The following CIZ1 variants were observed in gnomAD, a reference collection of about 807,000 sequenced individuals.
The protein encoded by CIZ1 is cip1-interacting zinc finger protein.
A neutral mutation model predicts 118.6 loss-of-function variants in CIZ1; 58 were observed. The ratio of observed to expected loss-of-function variants is 0.49; its 90% CI spans 0.40 to 0.61. The LOEUF is 0.61. Among genes scored for constraint, CIZ1 ranks in the 20% least tolerant of loss-of-function variants. The pLI, the probability that CIZ1 is intolerant of heterozygous loss-of-function variation, is 0.00. For synonymous variants in CIZ1, 448 were observed against 443.4 expected (o/e 1.01, Z -0.13); for missense variants, 921 against 1,115.9 (o/e 0.83, Z 2.49).
chr9:128,194,669 T>G (rs1178788595), upstream of CIZ1, among the ~76,000 whole-genome samples: 1 of 151,708 alleles, frequency 6.6e-6, no homozygotes, highest in Non-Finnish European at 1.5e-5. Flanking sequence ...ATACAAAAAA[T>G]TAGCTGGGCC....
At position 128,185,527 on chromosome 9, in the gene CIZ1, C is replaced by T; in HGVS notation, c.588+20G>A. ...CCCAGGGTCCCCTCCCGCCCACTCCCATCCCCACCTACCACTCACCTTTCG... is the reference window on the plus strand; with the variant it reads ...CCCAGGGTCCCCTCCCGCCCACTCCTATCCCCACCTACCACTCACCTTTCG... On this transcript the variant is annotated intron_variant, in intron 5 of 16. Coordinates refer to ENST00000372938, the MANE Select transcript of CIZ1 (RefSeq NM_001131016.2). The T allele has an allele frequency of 6.7e-7, 1 of 1,483,202 alleles. No homozygotes were observed. Among genetic ancestry groups the T allele is most frequent in the Non-Finnish European group, 9.1e-7 (1 of 1,104,616 alleles). The allele number at this position is 1,483,202 out of a possible 1,614,324, so 91.9% of individuals were successfully genotyped here.
At chr9:128,172,112 C>T (rs1000018120) in intron 11 of CIZ1, among the ~76,000 whole-genome samples, 5 of 124,598 alleles carry the variant, frequency 4.0e-5, no homozygotes, top group South Asian at 2.6e-4. Context: ...CACACCACTA[C>T]GCTCCAGCCT....
Position 128,166,752 on chromosome 9 carries a change from G to A in CIZ1, c.2487+7C>T, listed in dbSNP as rs370935533. On this transcript the variant is annotated splice_region_variant and intron_variant, in intron 16 of 16. Transcript: ENST00000372938. This position sits in a 1 kb window ranked among gnomAD's most constrained non-coding sequence, Gnocchi z 4.4. ...CAGGGGAGGACAGGGCAGGATGTCC[G>A]GCTCACCTGCAGGTTCTCAAAGTGG... 1.7e-5 allele frequency: 28 copies of A among 1,614,050 alleles called. 1 individual carries two copies. Among genetic ancestry groups the A allele is most frequent in the African/African-American group, 1.5e-4 (11 of 74,930 alleles).
upstream of CIZ1, chr9:128,191,811 C>T (rs537095300): frequency 2.4e-4 from 349 of 1,451,374 alleles, 1 homozygote; most frequent in African/African-American, 4.6e-3. The surrounding 1 kb of genome is among the most constrained non-coding windows in gnomAD (Gnocchi z 5.5). Flanking sequence ...GGTCAGCCAT[C>T]CCGCGGGGCA....
chr9:128,196,961 A>C (rs1833391995), intron 1 of CIZ1: 1 of 152,232 alleles, frequency 6.6e-6, no homozygotes, highest in African/African-American at 2.4e-5. Context: ...CTCTTCACCT[A>C]GTACTTGCAC....
upstream of CIZ1, among the ~76,000 whole-genome samples, chr9:128,194,645 C>T (rs941007811): frequency 6.6e-5 from 10 of 151,904 alleles, no homozygotes; most frequent in South Asian, 2.1e-4. Flanking sequence ...AGTGAAACCC[C>T]GTCTCTACTA....
At chr9:128,177,269 C>T (rs140529171) in intron 10 of CIZ1, among the ~76,000 whole-genome samples, 40 of 152,166 alleles carry the variant, frequency 2.6e-4, no homozygotes, top group African/African-American at 8.4e-4. Context: ...TACTCAGAGC[C>T]GATATGAACC....
At position 128,191,557 on chromosome 9, in the gene CIZ1, C is replaced by T. The variant is rs1833158602; in HGVS notation, c.-131G>A. 9.3e-7 allele frequency: 1 copy of T among 1,077,954 alleles called. No individual in the cohort carries two copies. Among genetic ancestry groups the T allele is most frequent in the Non-Finnish European group, 1.1e-6 (1 of 889,648 alleles). The allele number at this position is 1,077,954 out of a possible 1,614,324, so 66.8% of individuals were successfully genotyped here. Reference sequence around the variant, plus strand: ...CGGCCTCCCCGCTGCTACTCCGGGGCCTGTGGGCTCGTAAGGCCCAAATGC... The same window carrying T: ...CGGCCTCCCCGCTGCTACTCCGGGGTCTGTGGGCTCGTAAGGCCCAAATGC... On this transcript the variant is annotated 5_prime_UTR_variant, in exon 1 of 17. Coordinates refer to ENST00000372938, the MANE Select transcript of CIZ1 (RefSeq NM_001131016.2). The surrounding 1 kb of genome is among the most constrained non-coding windows in gnomAD (Gnocchi z 5.5).
At chr9:128,192,313 T>A (rs1472117543), upstream of CIZ1, among the ~76,000 whole-genome samples, 1 of 149,806 alleles carries the variant, frequency 6.7e-6, no homozygotes, top group Admixed American at 6.7e-5. Flanking sequence ...CAGGCTGCAG[T>A]GAGCTGAGAT....
rs1381766930 is a variant in CIZ1, at chr9:128,178,690, G to C, written c.1498+19C>G. ...AGCTGTCCCATCACCAGACCAGCTGGGAGCCAGTGCTCACTTACCTCCACC... is the reference window on the plus strand; with the variant it reads ...AGCTGTCCCATCACCAGACCAGCTGCGAGCCAGTGCTCACTTACCTCCACC... On this transcript the variant is annotated intron_variant, in intron 8 of 16. Coordinates refer to ENST00000372938, the MANE Select transcript of CIZ1 (RefSeq NM_001131016.2). The C allele has an allele frequency of 1.2e-6, 2 of 1,605,658 alleles. No homozygotes were observed. The highest frequency in any genetic ancestry group is 2.2e-5 in the East Asian group (1 of 44,850).
chr9:128,181,661 G>C (rs1280941752), intron 5 of CIZ1, among the ~76,000 whole-genome samples: 1 of 152,126 alleles, frequency 6.6e-6, no homozygotes, highest in Non-Finnish European at 1.5e-5. Flanking sequence ...GTCTAGCGGT[G>C]ACGCCAGCGT....
intron 11 of CIZ1, among the ~76,000 whole-genome samples, chr9:128,175,023 T>C (rs1237254780): frequency 6.6e-6 from 1 of 152,150 alleles, no homozygotes; most frequent in Non-Finnish European, 1.5e-5. Context: ...GAGATAACAT[T>C]GGGAGAGGGT....
Position 128,166,614 on chromosome 9 carries a change from C to T in CIZ1, c.2487+145G>A. Reference sequence around the variant, plus strand: ...CAATAAGAGCCCAACCCCACCCCAGCTCTAATTCTCTCCCTGTTGGTGCAG... The same window carrying T: ...CAATAAGAGCCCAACCCCACCCCAGTTCTAATTCTCTCCCTGTTGGTGCAG... On this transcript the variant is annotated intron_variant, in intron 16 of 16. Coordinates refer to ENST00000372938, the MANE Select transcript of CIZ1 (RefSeq NM_001131016.2). The surrounding 1 kb of genome is among the most constrained non-coding windows in gnomAD (Gnocchi z 4.4). 1 of 1,155,522 alleles carries T rather than the reference C, an allele frequency of 8.7e-7. No individual in the cohort carries two copies. Among genetic ancestry groups the T allele is most frequent in the South Asian group, 1.4e-5 (1 of 70,462 alleles). 71.6% of individuals were successfully genotyped at this position (1,155,522 alleles called of 1,614,324 possible).
chr9:128,180,694 G>A (rs1338663373), intron 6 of CIZ1, 27 bp downstream of exon 6: 6 of 1,551,152 alleles, frequency 3.9e-6, no homozygotes, highest in Admixed American at 3.6e-5. Flanking sequence ...ATGTCCCTCT[G>A]AAGGGCCAGC....
At chr9:128,176,552 A>C in intron 10 of CIZ1, 77 bp from the exon 11 acceptor site, 1 of 1,466,388 alleles carries the variant, frequency 6.8e-7, no homozygotes. Flanking sequence ...CTGGGGAGGC[A>C]GACCCCAGCC....
At chr9:128,195,949 G>A (rs569301358), upstream of CIZ1, among the ~76,000 whole-genome samples, 16 of 152,076 alleles carry the variant, frequency 1.1e-4, no homozygotes, top group South Asian at 6.2e-4. Context: ...CACTGCACCC[G>A]CTGCCTCCTG....
At position 128,169,836 on chromosome 9, in the gene CIZ1, T is replaced by C. The variant is rs946726807; in HGVS notation, c.2031+184A>G. On this transcript the variant is annotated intron_variant, in intron 12 of 16. Coordinates refer to ENST00000372938, the MANE Select transcript of CIZ1 (RefSeq NM_001131016.2). ...AGGTGAGATGGGGCCTGGCCTACAC[T>C]GGACAGATGGGGAACCTGAAGCCCG... 12 of 1,052,912 alleles carry C rather than the reference T, an allele frequency of 1.1e-5. No homozygotes were observed. In the Admixed American group the frequency reaches 1.5e-4, roughly 13 times the overall value. The allele number at this position is 1,052,912 out of a possible 1,614,324, so 65.2% of individuals were successfully genotyped here.
rs1833607971 is a variant in CIZ1, at chr9:128,203,434, G to GGCAGCCGGATC, written c.-6+741_-6+751dup. On this transcript the variant is annotated intron_variant, in intron 1 of 17. Coordinates refer to the CIZ1 transcript ENST00000372948. This position sits in a 1 kb window ranked among gnomAD's most constrained non-coding sequence, Gnocchi z 5.3. Reference sequence around the variant, plus strand: ...CGGAGTCGGAGCCGGGAGCGCTAGCGGCAGCCGGATCGCAGCCTGCGGGGC... The same window carrying GGCAGCCGGATC: ...CGGAGTCGGAGCCGGGAGCGCTAGCGGCAGCCGGATCGCAGCCGGATCGCAGCCTGCGGGGC... 7.0e-7 allele frequency: 1 copy of GGCAGCCGGATC among 1,429,544 alleles called. No homozygotes were observed. Among genetic ancestry groups the GGCAGCCGGATC allele is most frequent in the Non-Finnish European group, 9.2e-7 (1 of 1,087,810 alleles). The allele number at this position is 1,429,544 out of a possible 1,614,324, so 88.6% of individuals were successfully genotyped here.
Position 128,171,699 on chromosome 9 carries a change from T to C in CIZ1, c.1944-1592A>G, listed in dbSNP as rs546266236. Among the ~76,000 whole-genome samples the C allele has an allele frequency of 3.3e-5, 5 of 152,166 alleles. No individual in the cohort carries two copies. In the East Asian group the frequency reaches 9.7e-4, roughly 29 times the overall value. ...TTGCAGTGAGCCAAGATCGCGCCACTGCACTCTAGCCTGGGCAAAAGAGCA... is the reference window on the plus strand; with the variant it reads ...TTGCAGTGAGCCAAGATCGCGCCACCGCACTCTAGCCTGGGCAAAAGAGCA... On this transcript the variant is annotated intron_variant, in intron 11 of 16. Transcript: ENST00000372938.
Sources: allele counts gnomAD v4.1 joint callset (sites outside exome capture counted in the v4.1 genomes callset), GRCh38; gene constraint gnomAD v4.1.1; non-coding constraint Gnocchi (gnomAD v3.1); transcripts MANE v1.5; gene names NCBI Gene and HGNC (gene_info 2026-07-23, HGNC 2026-07-21).